RBFOX1: variants seen among roughly 807,000 people sequenced by gnomAD.
RBFOX1 encodes RNA binding fox-1 homolog 1, also known as RNA binding protein fox-1 homolog 1.
RBFOX1 carries 8 observed loss-of-function variants against 57.7 expected under a neutral mutation model. That is an observed-to-expected ratio of 0.14 (90% CI 0.08 to 0.25). The LOEUF (loss-of-function observed/expected upper bound fraction) is 0.25. Among genes scored for constraint, RBFOX1 ranks in the 10% least tolerant of loss-of-function variants. The pLI is 1.00. For missense variants in RBFOX1, 611 were observed against 548.5 expected (o/e 1.11, Z -1.14); for synonymous variants, 326 against 222.4 (o/e 1.47, Z -4.15).
intron 2 of RBFOX1, among the ~76,000 whole-genome samples, chr16:6,612,878 T>TAATAAC (rs1294984927): frequency 6.7e-6 from 1 of 148,324 alleles, no homozygotes; most frequent in Non-Finnish European, 1.5e-5. Context: ...ATAATAATAA[T>TAATAAC]ATTTGTTTGT....
In RBFOX1 at chr16:6,549,901, T is replaced by G. The variant is rs1476930039; in HGVS notation, c.-63-104702T>G. Among the ~76,000 whole-genome samples, 3 of 152,146 alleles carry G rather than the reference T, an allele frequency of 2.0e-5. No homozygotes were observed. In the East Asian group the frequency reaches 5.8e-4, roughly 29 times the overall value. ...CTCATGGACCCTTACGTACTTTGAC[T>G]ACTACCCAGCTCAGTTTGCTCTGCT... On this transcript the variant is annotated intron_variant, in intron 2 of 15. Coordinates refer to ENST00000550418, the MANE Select transcript of RBFOX1 (RefSeq NM_018723.4).
At chr16:5,809,510 G>A (rs1295611053) in intron 3 of RBFOX1, among the ~76,000 whole-genome samples, 13 of 152,118 alleles carry the variant, frequency 8.5e-5, no homozygotes, top group African/African-American at 1.9e-4. Context: ...AAAACTGGAC[G>A]AAGGACATGA....
At chr16:7,125,051 G>A (rs1173924045) in intron 4 of RBFOX1, among the ~76,000 whole-genome samples, 1 of 152,110 alleles carries the variant, frequency 6.6e-6, no homozygotes, top group Non-Finnish European at 1.5e-5. Flanking sequence ...GCAACATTGA[G>A]GTTTGGATGA....
chr16:5,286,543 C>G (rs543610959), intron 1 of RBFOX1, among the ~76,000 whole-genome samples: 1 of 152,268 alleles, frequency 6.6e-6, no homozygotes, highest in African/African-American at 2.4e-5. Context: ...AGCATATGTC[C>G]TATTAATACA....
At chr16:6,222,860 C>T (rs997229302) in intron 1 of RBFOX1, among the ~76,000 whole-genome samples, 30 of 151,962 alleles carry the variant, frequency 2.0e-4, no homozygotes, top group African/African-American at 7.0e-4. Context: ...CCTACCCCCA[C>T]CCCACAACAG....
intron 1 of RBFOX1, among the ~76,000 whole-genome samples, chr16:5,318,844 G>C (rs1483088257): frequency 1.3e-5 from 2 of 152,194 alleles, no homozygotes; most frequent in African/African-American, 2.4e-5. Flanking sequence ...TAAAAGCAGA[G>C]AGTTGGGGTT....
intron 3 of RBFOX1, among the ~76,000 whole-genome samples, chr16:6,692,640 TTTTTTTTTA>T (rs2060368397): frequency 6.6e-6 from 1 of 152,156 alleles, no homozygotes; most frequent in Admixed American, 6.5e-5. Flanking sequence ...AACACATTTT[TTTTTTTTTA>T]CTGTTTCTTC....
At chr16:6,761,679 G>T (rs1232747372) in intron 3 of RBFOX1, among the ~76,000 whole-genome samples, 1 of 151,186 alleles carries the variant, frequency 6.6e-6, no homozygotes, top group African/African-American at 2.4e-5. Context: ...GCTAATATTT[G>T]TATTTTTAGT....
chr16:5,623,946 C>G (rs1446324305), intron 3 of RBFOX1, among the ~76,000 whole-genome samples: 7 of 152,308 alleles, frequency 4.6e-5, no homozygotes, highest in African/African-American at 1.7e-4. Context: ...TCAGCACAAT[C>G]AACTTTAGAA....
At chr16:5,357,542 G>A (rs1385920841) in intron 1 of RBFOX1, among the ~76,000 whole-genome samples, 1 of 152,200 alleles carries the variant, frequency 6.6e-6, no homozygotes, top group Non-Finnish European at 1.5e-5. Flanking sequence ...ATGTGCATAG[G>A]AATCAGCTGG....
At position 5,899,731 on chromosome 16, in the gene RBFOX1, G is replaced by A. The variant is rs115847418; in HGVS notation, c.351+32396G>A. On this transcript the variant is annotated intron_variant, in intron 4 of 19. Transcript: ENST00000641259. ...GGCCATGGAAGATTCCAACCCGCCTGGTCCATCCACAGATTCACCTGAATG... is the reference window on the plus strand; with the variant it reads ...GGCCATGGAAGATTCCAACCCGCCTAGTCCATCCACAGATTCACCTGAATG... 8.2e-3 allele frequency among the ~76,000 whole-genome samples: 1,247 copies of A among 152,246 alleles called. 18 individuals carry two copies. Among genetic ancestry groups the A allele is most frequent in the African/African-American group, 0.029 (1,198 of 41,540 alleles).
chr16:6,599,515 G>T (rs2097822593), intron 2 of RBFOX1, among the ~76,000 whole-genome samples: 1 of 152,302 alleles, frequency 6.6e-6, no homozygotes, highest in East Asian at 1.9e-4. Context: ...TAATAAGTGA[G>T]AGAATCTAGT....
chr16:6,326,163 T>C (rs115783253), intron 2 of RBFOX1, among the ~76,000 whole-genome samples: 3,121 of 152,298 alleles, frequency 0.02, 105 homozygotes, highest in African/African-American at 0.07. Context: ...ATGACATTGA[T>C]ATGGAAGTCA....
chr16:6,718,643 C>G (rs2065311950), intron 3 of RBFOX1, among the ~76,000 whole-genome samples: 1 of 152,130 alleles, frequency 6.6e-6, no homozygotes, highest in Non-Finnish European at 1.5e-5. Context: ...GCAATTCGAT[C>G]ATGGGAACGG....
chr16:6,861,822 G>GTTTT (rs1285793325), intron 3 of RBFOX1, among the ~76,000 whole-genome samples: 2 of 65,564 alleles, frequency 3.1e-5, no homozygotes, highest in African/African-American at 7.4e-5. Context: ...AGCGTCCCTT[G>GTTTT]GTTTTTTTTT....
chr16:6,598,449 G>A (rs753640239), intron 2 of RBFOX1, among the ~76,000 whole-genome samples: 3 of 152,126 alleles, frequency 2.0e-5, no homozygotes, highest in Non-Finnish European at 4.4e-5. Flanking sequence ...TAATGTTCTT[G>A]TTATCTCCCA....
chr16:5,658,201 A>G (rs1194061003), intron 3 of RBFOX1, among the ~76,000 whole-genome samples: 4 of 152,048 alleles, frequency 2.6e-5, no homozygotes, highest in Non-Finnish European at 5.9e-5. Flanking sequence ...CCTGGGCATG[A>G]TTTCTTCTCT....
intron 4 of RBFOX1, among the ~76,000 whole-genome samples, chr16:7,087,041 C>A (rs1312891427): frequency 6.6e-6 from 1 of 152,118 alleles, no homozygotes; most frequent in Non-Finnish European, 1.5e-5. Flanking sequence ...GACACCGTGG[C>A]GTCGGTAGAT....
At chr16:5,704,802 A>G (rs183538705) in intron 3 of RBFOX1, among the ~76,000 whole-genome samples, 1 of 152,260 alleles carries the variant, frequency 6.6e-6, no homozygotes, top group East Asian at 1.9e-4. Context: ...TGACAGGGTG[A>G]GTTGGCCAGT....
Sources: allele counts gnomAD v4.1 joint callset (sites outside exome capture counted in the v4.1 genomes callset), GRCh38; gene constraint gnomAD v4.1.1; transcripts MANE v1.5; gene names NCBI Gene and HGNC (gene_info 2026-07-23, HGNC 2026-07-21).